PRPF6: variants seen among roughly 807,000 people sequenced by gnomAD.
PRPF6 encodes pre-mRNA-processing factor 6.
A neutral mutation model predicts 118.3 loss-of-function variants in PRPF6; 42 were observed. That is an observed-to-expected ratio of 0.35 (90% CI 0.28 to 0.46). The LOEUF is 0.46. Ranked by LOEUF, PRPF6 falls within the 20% of genes least tolerant of loss-of-function variation. The pLI is 1.00. For synonymous variants in PRPF6, 481 were observed against 485.1 expected, an observed-to-expected ratio of 0.99 and a Z score of 0.11; for missense variants, 662 against 1,255.7, an observed-to-expected ratio of 0.53 and a Z score of 7.15.
chr20:63,995,195 A>G (rs143538429), intron 5 of PRPF6, 103 bp downstream of exon 5: 19,880 of 1,586,362 alleles, frequency 0.013, 165 homozygotes, highest in Non-Finnish European at 0.014. Context: ...GGTCATGGCT[A>G]TGCTGTGGCC....
chr20:63,982,498 G>C (rs1023951258), intron 1 of PRPF6, among the ~76,000 whole-genome samples: 1 of 152,148 alleles, frequency 6.6e-6, no homozygotes, highest in Non-Finnish European at 1.5e-5. Context: ...GCTGTGTTTT[G>C]GGAAGAATCA....
chr20:64,022,014 GTGCA>G (rs1282023010), intron 12 of PRPF6, among the ~76,000 whole-genome samples: 2 of 144,862 alleles, frequency 1.4e-5, no homozygotes, highest in East Asian at 2.0e-4. Context: ...GTGTGTGTGT[GTGCA>G]TGCACGTATG....
chr20:64,026,836 C>A lies in PRPF6; in HGVS notation c.2029-146C>A. The A allele has an allele frequency of 1.2e-6, 1 of 819,160 alleles. No homozygotes were observed. Among genetic ancestry groups the A allele is most frequent in the Non-Finnish European group, 2.0e-6 (1 of 498,062 alleles). The allele number at this position is 819,160 out of a possible 1,614,324, so 50.7% of individuals were successfully genotyped here. A position where few individuals can be genotyped will look rare whatever the true frequency, so the allele number is the denominator to read the frequency against. ...AAACAAAACAAAAACATATATTTATCCCCACCTTTTGTGTACACAAACAGG... is the reference window on the plus strand; with the variant it reads ...AAACAAAACAAAAACATATATTTATACCCACCTTTTGTGTACACAAACAGG... On this transcript the variant is annotated intron_variant, in intron 15 of 20. Transcript: ENST00000266079. This position sits in a 1 kb window ranked among gnomAD's most constrained non-coding sequence, Gnocchi z 4.4.
At chr20:63,995,616 T>C (rs2059138078) in intron 6 of PRPF6, 134 bp downstream of exon 6, 6 of 213,380 alleles carry the variant, frequency 2.8e-5, no homozygotes, top group Non-Finnish European at 3.2e-5. Flanking sequence ...CTCCTTCTCC[T>C]TTTTTTTTTT....
Position 64,031,988 on chromosome 20 carries a change from G to T in PRPF6, c.2617G>T (p.Asp873Tyr). The change falls in exon 20 of 21, where the codon GAC becomes TAC. Residue 873 changes from aspartate (D) to tyrosine (Y), a missense_variant. Asp to Tyr is a radical substitution (Grantham distance 160, BLOSUM62 -3). Coordinates refer to ENST00000266079, the MANE Select transcript of PRPF6 (RefSeq NM_012469.4). ...CCACCGCACTGTGAAGATTGACTCG[G>T]ACCTGGGGGATGCCTGGGCCTTCTT... ...WFHRTVKIDS[D>Y]LGDAWAFFYK... 1 of 1,614,170 alleles carries T rather than the reference G, an allele frequency of 6.2e-7. No homozygotes were observed. Among genetic ancestry groups the T allele is most frequent in the Non-Finnish European group, 8.5e-7 (1 of 1,180,032 alleles).
chr20:64,025,340 T>G (rs1458259023), intron 14 of PRPF6, among the ~76,000 whole-genome samples: 1 of 152,124 alleles, frequency 6.6e-6, no homozygotes, highest in Non-Finnish European at 1.5e-5. Flanking sequence ...ACCCGCTCTC[T>G]TGGGCGGCTG....
At chr20:64,000,014 C>T (rs1017338296) in intron 8 of PRPF6, among the ~76,000 whole-genome samples, 1 of 151,202 alleles carries the variant, frequency 6.6e-6, no homozygotes, top group Non-Finnish European at 1.5e-5. Context: ...TGCAGTGGCA[C>T]GATCTCGGCT....
intron 6 of PRPF6, among the ~76,000 whole-genome samples, chr20:63,996,332 G>A (rs544906803): frequency 6.6e-6 from 1 of 152,172 alleles, no homozygotes; most frequent in South Asian, 2.1e-4. Context: ...GAGTGAGACT[G>A]TCTCAAAATA....
chr20:63,990,279 T>C (rs561933345), intron 3 of PRPF6, among the ~76,000 whole-genome samples: 2 of 152,198 alleles, frequency 1.3e-5, no homozygotes, highest in South Asian at 2.1e-4. Flanking sequence ...ACCTCAAACA[T>C]TGGGAATTAT....
intron 6 of PRPF6, among the ~76,000 whole-genome samples, chr20:63,997,033 T>A (rs1340330171): frequency 6.6e-6 from 1 of 152,188 alleles, no homozygotes; most frequent in Non-Finnish European, 1.5e-5. Flanking sequence ...ACTGACATAA[T>A]TATGTTCATG....
In PRPF6 at chr20:63,983,357, G is replaced by A. The variant is rs546130925; in HGVS notation, c.240+142G>A. On this transcript the variant is annotated intron_variant, in intron 2 of 20. Coordinates refer to ENST00000266079, the MANE Select transcript of PRPF6 (RefSeq NM_012469.4). ...TAGCTATTCATGGAACATCTTTACT[G>A]AGAGTGAGAGGGAGCAGGAAAAACA... 12 of 1,067,062 alleles carry A rather than the reference G, an allele frequency of 1.1e-5. No individual in the cohort carries two copies. The Admixed American group carries it at 2.1e-4, about 19-fold the overall frequency. The allele number at this position is 1,067,062 out of a possible 1,614,324, so 66.1% of individuals were successfully genotyped here. A position where few individuals can be genotyped will look rare whatever the true frequency, so the allele number is the denominator to read the frequency against.
rs942456845 is a variant in PRPF6, at chr20:64,029,484, G to A, written c.2539G>A (p.Val847Met). The change falls in exon 19 of 21, where the codon GTG becomes ATG. Residue 847 changes from valine (V) to methionine (M), a missense_variant. Physicochemically the swap from Val to Met is conservative, Grantham distance 21 (BLOSUM62 1). Coordinates refer to ENST00000266079, the MANE Select transcript of PRPF6 (RefSeq NM_012469.4). The surrounding 1 kb of genome is among the most constrained non-coding windows in gnomAD (Gnocchi z 4.8). ...GCATGACCCCCATGTGCTCCTGGCC[G>A]TGGCCAAGTGAGTGGGGCCCCCACA... ...CEHDPHVLLA[V>M]AKLFWSQRKI... The A allele has an allele frequency of 3.7e-6, 6 of 1,613,938 alleles. No homozygotes were observed. The highest frequency in any genetic ancestry group is 1.3e-5 in the African/African-American group (1 of 74,954).
Position 64,033,066 on chromosome 20 carries a change from T to C in PRPF6, c.*73T>C. On this transcript the variant is annotated 3_prime_UTR_variant, in exon 21 of 21. Transcript: ENST00000266079. ...TGTGGAAGGGCTCTGAGCTGTGTCCTCCTTCATTAAAAGTTTTTATGTCTC... is the reference window on the plus strand; with the variant it reads ...TGTGGAAGGGCTCTGAGCTGTGTCCCCCTTCATTAAAAGTTTTTATGTCTC... The C allele has an allele frequency of 1.3e-6, 2 of 1,594,946 alleles. No homozygotes were observed. Among genetic ancestry groups the C allele is most frequent in the Non-Finnish European group, 1.7e-6 (2 of 1,168,232 alleles).
chr20:64,019,439 G>C (rs2059253475), intron 12 of PRPF6, among the ~76,000 whole-genome samples: 1 of 152,150 alleles, frequency 6.6e-6, no homozygotes, highest in African/African-American at 2.4e-5. Context: ...AGTAAGCACA[G>C]CTGTTTTTCA....
intron 1 of PRPF6, 140 bp downstream of exon 1, chr20:63,981,456 A>G (rs1322717946): frequency 2.4e-6 from 2 of 833,398 alleles, no homozygotes; most frequent in African/African-American, 3.4e-5. Context: ...GCAGGAAGCA[A>G]CGGGCTTTGG....
chr20:63,985,078 T>C (rs1486454064), intron 3 of PRPF6, 53 bp downstream of exon 3: 26 of 1,506,636 alleles, frequency 1.7e-5, no homozygotes, highest in African/African-American at 2.8e-5. Flanking sequence ...AAAAAAAGTT[T>C]TGTGGCCAGG....
Position 63,995,449 on chromosome 20 carries a change from G to A in PRPF6, c.738G>A (p.Ala246=), listed in dbSNP as rs771980800. The A allele has an allele frequency of 8.7e-6, 14 of 1,614,014 alleles. No individual in the cohort carries two copies. Among genetic ancestry groups the A allele is most frequent in the Non-Finnish European group, 1.1e-5 (13 of 1,180,044 alleles). The part of the protein sequence containing the change: ...GELDMRKIGQ[A]RNTLMDMRLS... ...TGGACATGAGGAAGATTGGCCAAGC[G>A]AGGAACACTCTGATGGACATGAGGC... Residue 246 remains alanine, a synonymous_variant, in exon 6 of 21, where the codon GCG becomes GCA. Coordinates refer to ENST00000266079, the MANE Select transcript of PRPF6 (RefSeq NM_012469.4).
At chr20:64,016,925 G>T in intron 12 of PRPF6, 80 bp downstream of exon 12, 1 of 1,579,910 alleles carries the variant, frequency 6.3e-7, no homozygotes, top group Non-Finnish European at 8.7e-7. Context: ...AAACTACTAG[G>T]CTATTTTAAA....
chr20:64,010,184 G>T lies in PRPF6; in HGVS notation c.1187-16G>T, dbSNP rs115990565. 3,831 of 1,609,326 alleles carry T rather than the reference G, an allele frequency of 2.4e-3. 76 individuals are homozygous for T. In the African/African-American group the frequency reaches 0.045, roughly 19 times the overall value. ...CTCCTTTTCTGTGACGTGGTTTCTCGTTTGACCTTTCCTAGCCCTCGAGCA... is the reference window on the plus strand; with the variant it reads ...CTCCTTTTCTGTGACGTGGTTTCTCTTTTGACCTTTCCTAGCCCTCGAGCA... On this transcript the variant is annotated splice_polypyrimidine_tract_variant and intron_variant, in intron 9 of 20. Transcript: ENST00000266079.
Sources: allele counts gnomAD v4.1 joint callset (sites outside exome capture counted in the v4.1 genomes callset), GRCh38; gene constraint gnomAD v4.1.1; non-coding constraint Gnocchi (gnomAD v3.1); transcripts MANE v1.5; gene names NCBI Gene and HGNC (gene_info 2026-07-23, HGNC 2026-07-21).